Variants in CDK8 observed in about 807,000 individuals in gnomAD.
CDK8 encodes the protein cyclin dependent kinase 8.
A neutral mutation model predicts 71.5 loss-of-function variants in CDK8; 29 were observed. The ratio of observed to expected loss-of-function variants is 0.41; its 90% CI spans 0.30 to 0.55. The LOEUF (loss-of-function observed/expected upper bound fraction) is 0.55, where lower values mean the gene tolerates loss of function less well. Among genes scored for constraint, CDK8 ranks in the 20% least tolerant of loss-of-function variants. The probability of loss-of-function intolerance (pLI) is 0.37; values close to 1 mark genes in which losing one functional copy is unlikely to be tolerated. For missense variants in CDK8, 288 were observed against 572.6 expected (o/e 0.50, Z 5.07); for synonymous variants, 161 against 192.1 (o/e 0.84, Z 1.34).
At position 26,369,329 on chromosome 13, in the gene CDK8, G is replaced by A. The variant is rs370698611; in HGVS notation, c.457-13485G>A. Among the ~76,000 whole-genome samples, 50 of 150,746 alleles carry A rather than the reference G, an allele frequency of 3.3e-4. 1 individual carries two copies. In the South Asian group the frequency reaches 0.01, roughly 30 times the overall value. The stretch of plus-strand genomic sequence containing the variant: ...GCCAGGTGTGGTGATGCATGCCTGT[G>A]GTCTCAGCTACTCAGGAGGCTGAAG... On this transcript the variant is annotated intron_variant, in intron 4 of 12. Transcript: ENST00000381527.
At chr13:26,279,692 C>G (rs181489200) in intron 1 of CDK8, among the ~76,000 whole-genome samples, 2 of 151,986 alleles carry the variant, frequency 1.3e-5, no homozygotes, top group Admixed American at 1.3e-4. Flanking sequence ...AAATTAAGTT[C>G]AGTAAATTTG....
intron 1 of CDK8, among the ~76,000 whole-genome samples, chr13:26,314,682 A>G (rs1479303487): frequency 2.0e-5 from 3 of 152,216 alleles, no homozygotes; most frequent in Non-Finnish European, 2.9e-5. Flanking sequence ...GGCGTGTAAT[A>G]TGGGAAAATT....
At chr13:26,297,198 C>G (rs997762250) in intron 1 of CDK8, among the ~76,000 whole-genome samples, 1 of 152,074 alleles carries the variant, frequency 6.6e-6, no homozygotes, top group African/African-American at 2.4e-5. Flanking sequence ...GTTTATAAAC[C>G]CAACAGTCAC....
chr13:26,392,144 T>C (rs17083989), intron 6 of CDK8, among the ~76,000 whole-genome samples: 8,860 of 152,168 alleles, frequency 0.058, 865 homozygotes, highest in African/African-American at 0.2. Flanking sequence ...AATGAAATAT[T>C]TTCAGCTTTA....
In CDK8 at chr13:26,271,225, T is replaced by C. The variant is rs1428204563; in HGVS notation, c.128+16456T>C. Among the ~76,000 whole-genome samples the C allele has an allele frequency of 2.6e-5, 4 of 152,212 alleles. No homozygotes were observed. The South Asian group carries it at 8.3e-4, about 31-fold the overall frequency. ...GGATACTGAACCCTTATCAGATATA[T>C]GATTTGCAAATACAGTTGTGTGTTG... is the stretch of plus-strand genomic sequence containing the variant. On this transcript the variant is annotated intron_variant, in intron 1 of 12. Coordinates refer to ENST00000381527, the MANE Select transcript of CDK8 (RefSeq NM_001260.3).
intron 1 of CDK8, among the ~76,000 whole-genome samples, chr13:26,282,547 C>T (rs1872797593): frequency 6.6e-6 from 1 of 152,194 alleles, no homozygotes; most frequent in Non-Finnish European, 1.5e-5. Flanking sequence ...ACCAGCACTA[C>T]AAGAAATGCT....
chr13:26,309,688 T>C (rs1031719142), intron 1 of CDK8, among the ~76,000 whole-genome samples: 1 of 152,216 alleles, frequency 6.6e-6, no homozygotes, highest in Non-Finnish European at 1.5e-5. Context: ...ATACCCTTAA[T>C]GTGCTGAGTA....
chr13:26,277,991 G>A (rs1872617666), intron 1 of CDK8, among the ~76,000 whole-genome samples: 1 of 151,952 alleles, frequency 6.6e-6, no homozygotes, highest in Non-Finnish European at 1.5e-5. Context: ...AATGACTTTG[G>A]CACTAAACAT....
intron 2 of CDK8, among the ~76,000 whole-genome samples, chr13:26,342,789 C>G (rs1414234857): frequency 1.3e-5 from 2 of 152,200 alleles, no homozygotes; most frequent in African/African-American, 4.8e-5. Context: ...TAGTTACTTA[C>G]TCTACTGGTT....
At chr13:26,291,627 C>T (rs753837682) in intron 1 of CDK8, among the ~76,000 whole-genome samples, 2 of 152,136 alleles carry the variant, frequency 1.3e-5, no homozygotes, top group African/African-American at 4.8e-5. Flanking sequence ...ACTTTCAGAT[C>T]TTGGATATTT....
chr13:26,303,130 A>AT (rs1172373409), intron 1 of CDK8, among the ~76,000 whole-genome samples: 1 of 150,282 alleles, frequency 6.7e-6, no homozygotes, highest in African/African-American at 2.4e-5. Context: ...TGGCTGTTAT[A>AT]TTTTTTTCTT....
intron 4 of CDK8, among the ~76,000 whole-genome samples, chr13:26,375,282 G>A (rs1208602342): frequency 6.6e-6 from 1 of 152,112 alleles, no homozygotes; most frequent in Non-Finnish European, 1.5e-5. Flanking sequence ...TATCCATTGA[G>A]CGTGTATTAC....
At chr13:26,283,194 T>C (rs567587168) in intron 1 of CDK8, among the ~76,000 whole-genome samples, 9 of 152,280 alleles carry the variant, frequency 5.9e-5, no homozygotes, top group Non-Finnish European at 1.2e-4. Flanking sequence ...ATAGAACAAA[T>C]GGACTTAACA....
rs759709011 is a variant in CDK8, at chr13:26,339,747, T to TAA, written c.204+2114_204+2115dup. 4.6e-3 allele frequency among the ~76,000 whole-genome samples: 139 copies of TAA among 29,918 alleles called. 1 individual carries two copies. The highest frequency in any genetic ancestry group is 0.01 in the Admixed American group (34 of 3,356). 19.6% of individuals were successfully genotyped at this position (29,918 alleles called of 152,430 possible). A position where few individuals can be genotyped will look rare whatever the true frequency, so the allele number is the denominator to read the frequency against. ...TATTTATTTTATTTATATAATTACT[T>TAA]AAAAAAAAAATATATATATATATAT... On this transcript the variant is annotated intron_variant, in intron 2 of 12. Transcript: ENST00000381527.
At chr13:26,396,712 CA>C (rs1302164460) in intron 8 of CDK8, among the ~76,000 whole-genome samples, 2 of 152,060 alleles carry the variant, frequency 1.3e-5, no homozygotes, top group Non-Finnish European at 2.9e-5. Flanking sequence ...ATCTAGGTTA[CA>C]GTAATTTTAA....
Position 26,302,392 on chromosome 13 carries a change from T to C in CDK8, c.129-35175T>C, listed in dbSNP as rs117975463. Reference sequence around the variant, plus strand: ...TTGAGTTTCCTATATATGAACCAATTGATATGGATCTGGGAGCCTGGGATT... The same window carrying C: ...TTGAGTTTCCTATATATGAACCAATCGATATGGATCTGGGAGCCTGGGATT... On this transcript the variant is annotated intron_variant, in intron 1 of 12. Transcript: ENST00000381527. Among the ~76,000 whole-genome samples, 1,027 of 152,358 alleles carry C rather than the reference T, an allele frequency of 6.7e-3. 8 individuals are homozygous for C. The highest frequency in any genetic ancestry group is 0.024 in the Middle Eastern group (7 of 294).
At chr13:26,374,292 CGTCA>C (rs2138033237) in intron 4 of CDK8, among the ~76,000 whole-genome samples, 1 of 152,122 alleles carries the variant, frequency 6.6e-6, no homozygotes, top group African/African-American at 2.4e-5. Flanking sequence ...TGCTCATTAT[CGTCA>C]GTAAGTAGGG....
At chr13:26,282,866 GA>G (rs1165203518) in intron 1 of CDK8, among the ~76,000 whole-genome samples, 2 of 43,974 alleles carry the variant, frequency 4.5e-5, no homozygotes, top group Admixed American at 4.1e-4. Context: ...TAAAAGGGTG[GA>G]AAAAGATATT....
intron 1 of CDK8, among the ~76,000 whole-genome samples, chr13:26,267,543 T>C (rs1218809278): frequency 1.3e-5 from 2 of 152,220 alleles, no homozygotes; most frequent in East Asian, 1.9e-4. Flanking sequence ...AGTACTTTAT[T>C]CTTTTTGAGC....
Sources: allele counts gnomAD v4.1 joint callset (sites outside exome capture counted in the v4.1 genomes callset), GRCh38; gene constraint gnomAD v4.1.1; transcripts MANE v1.5; gene names NCBI Gene and HGNC (gene_info 2026-07-23, HGNC 2026-07-21).